The following DCDC2C variants were observed in gnomAD, a reference collection of about 807,000 sequenced individuals.
DCDC2C encodes the protein doublecortin domain-containing protein 2C.
DCDC2C carries 44 observed loss-of-function variants against 45.0 expected under a neutral mutation model. The ratio of observed to expected loss-of-function variants is 0.98; its 90% confidence interval spans 0.77 to 1.26. DCDC2C has a LOEUF of 1.26. Ranked by LOEUF, DCDC2C falls within the 50% of genes most tolerant of loss-of-function variation. The probability of loss-of-function intolerance (pLI) is 0.00; values close to 1 mark genes in which losing one functional copy is unlikely to be tolerated. For missense variants in DCDC2C, 447 were observed against 468.9 expected, an observed-to-expected ratio of 0.95 and a Z score of 0.43; for synonymous variants, 187 against 178.8, an observed-to-expected ratio of 1.05 and a Z score of -0.37.
intron 2 of DCDC2C, among the ~76,000 whole-genome samples, chr2:3,720,762 T>C (rs1215593438): frequency 6.6e-6 from 1 of 152,190 alleles, no homozygotes; most frequent in Non-Finnish European, 1.5e-5. Context: ...CACTTGATCA[T>C]AGAGTATCCT....
chr2:3,715,469 G>A (rs137948220), intron 2 of DCDC2C, among the ~76,000 whole-genome samples: 59 of 152,154 alleles, frequency 3.9e-4, no homozygotes, highest in Middle Eastern at 3.4e-3. Context: ...TCTGTAATTC[G>A]GACAAATTAA....
At chr2:3,839,066 T>C (rs1672148435) in intron 10 of DCDC2C, among the ~76,000 whole-genome samples, 1 of 152,222 alleles carries the variant, frequency 6.6e-6, no homozygotes, top group South Asian at 2.1e-4. Flanking sequence ...TAGGTTAACC[T>C]GTTAATCTAG....
chr2:3,712,488 C>CAAA (rs34271207), intron 2 of DCDC2C, among the ~76,000 whole-genome samples: 158 of 115,012 alleles, frequency 1.4e-3, no homozygotes, highest in African/African-American at 4.7e-3. Context: ...CCTATCTCTA[C>CAAA]AAAAAAAAAA....
chr2:3,779,050 G>A (rs1414573834), intron 9 of DCDC2C, among the ~76,000 whole-genome samples, 166 bp downstream of exon 9: 5 of 152,132 alleles, frequency 3.3e-5, no homozygotes, highest in Non-Finnish European at 7.3e-5. Context: ...CCGTGGACAC[G>A]ATCGGGTTTC....
intron 8 of DCDC2C, among the ~76,000 whole-genome samples, chr2:3,774,161 A>G (rs1260715126): frequency 6.6e-6 from 1 of 152,244 alleles, no homozygotes; most frequent in African/African-American, 2.4e-5. Context: ...AAAAAACCTA[A>G]TGAAGCTTTA....
intron 9 of DCDC2C, among the ~76,000 whole-genome samples, chr2:3,784,544 G>A (rs1044070313): frequency 2.6e-5 from 4 of 151,710 alleles, no homozygotes; most frequent in African/African-American, 9.7e-5. Context: ...TCCTCCAAGA[G>A]CATCCTATGC....
At chr2:3,837,577 C>T (rs1186273797) in intron 10 of DCDC2C, among the ~76,000 whole-genome samples, 2 of 152,032 alleles carry the variant, frequency 1.3e-5, no homozygotes, top group African/African-American at 4.8e-5. Context: ...GGAGTTGTGG[C>T]TATTACAGCA....
chr2:3,709,431 T>C (rs1668150667), intron 2 of DCDC2C, among the ~76,000 whole-genome samples: 1 of 152,186 alleles, frequency 6.6e-6, no homozygotes, highest in Non-Finnish European at 1.5e-5. Context: ...CACCCAGAGC[T>C]CCATGCAGGA....
At chr2:3,833,194 T>A (rs1354911376) in intron 10 of DCDC2C, among the ~76,000 whole-genome samples, 2 of 152,192 alleles carry the variant, frequency 1.3e-5, no homozygotes, top group Non-Finnish European at 2.9e-5. Context: ...CTTTTAAGGA[T>A]CCTTGTGATT....
chr2:3,721,212 A>AT (rs70938963), intron 2 of DCDC2C, among the ~76,000 whole-genome samples: 2,110 of 150,994 alleles, frequency 0.014, 27 homozygotes, highest in Non-Finnish European at 0.019. Context: ...GTTTTTCTCT[A>AT]TTTTTTTCCC....
intron 2 of DCDC2C, among the ~76,000 whole-genome samples, chr2:3,722,134 G>A (rs1209447857): frequency 6.6e-6 from 1 of 152,214 alleles, no homozygotes; most frequent in South Asian, 2.1e-4. Context: ...ATTGCATGCA[G>A]GAGGCAGCTG....
At chr2:3,835,817 C>T (rs574184709) in intron 10 of DCDC2C, among the ~76,000 whole-genome samples, 1 of 152,132 alleles carries the variant, frequency 6.6e-6, no homozygotes, top group African/African-American at 2.4e-5. Flanking sequence ...CATCATTGCC[C>T]ATTGCAGCAT....
intron 9 of DCDC2C, among the ~76,000 whole-genome samples, chr2:3,780,226 C>T (rs114051509): frequency 1.1e-4 from 17 of 152,134 alleles, no homozygotes; most frequent in Non-Finnish European, 2.1e-4. Context: ...GAGGGGCAAA[C>T]AAGCCACCGG....
intron 10 of DCDC2C, among the ~76,000 whole-genome samples, chr2:3,838,337 A>G (rs1672130177): frequency 6.6e-6 from 1 of 152,108 alleles, no homozygotes; most frequent in Non-Finnish European, 1.5e-5. Flanking sequence ...CGCAGGGTCT[A>G]GGGTATGGTC....
intron 1 of DCDC2C, among the ~76,000 whole-genome samples, chr2:3,707,904 A>AT (rs986530483): frequency 1.6e-4 from 24 of 152,268 alleles, no homozygotes; most frequent in Non-Finnish European, 2.6e-4. Flanking sequence ...TCAAATACAT[A>AT]TTTTTTTAAT....
At chr2:3,767,919 C>A in intron 7 of DCDC2C, 39 bp downstream of exon 7, 1 of 1,399,274 alleles carries the variant, frequency 7.1e-7, no homozygotes, top group Non-Finnish European at 9.3e-7. Flanking sequence ...CAGTTCGAAA[C>A]TTTACCAGGC....
At chr2:3,833,792 T>C (rs1463035255) in intron 10 of DCDC2C, among the ~76,000 whole-genome samples, 1 of 152,116 alleles carries the variant, frequency 6.6e-6, no homozygotes, top group Admixed American at 6.5e-5. Flanking sequence ...AAAAGAAACA[T>C]AGTAAGTTGC....
intron 1 of DCDC2C, among the ~76,000 whole-genome samples, chr2:3,705,741 G>A (rs1167726024): frequency 6.6e-6 from 1 of 152,118 alleles, no homozygotes; most frequent in Admixed American, 6.5e-5. Context: ...AGAGAGTCTC[G>A]AGTCTCATGG....
intron 6 of DCDC2C, among the ~76,000 whole-genome samples, chr2:3,756,629 G>A (rs1294778833): frequency 6.6e-6 from 1 of 152,236 alleles, no homozygotes; most frequent in Admixed American, 6.5e-5. Flanking sequence ...TGGAAATAAT[G>A]ACACTGCTGA....
Sources: allele counts gnomAD v4.1 joint callset (sites outside exome capture counted in the v4.1 genomes callset), GRCh38; gene constraint gnomAD v4.1.1; transcripts MANE v1.5; gene names NCBI Gene and HGNC (gene_info 2026-07-23, HGNC 2026-07-21).